The following EPB42 variants were observed in gnomAD, a reference collection of about 807,000 sequenced individuals.
The protein encoded by EPB42 is erythrocyte membrane protein band 4.2, also known as protein 4.2.
Under a neutral mutation model 76.9 loss-of-function variants are expected in EPB42, and 49 were observed. That is an observed-to-expected ratio of 0.64 (90% CI 0.51 to 0.81). The LOEUF is 0.81. Ranked by LOEUF, EPB42 falls within the 30% of genes least tolerant of loss-of-function variation. The pLI is 0.00. For missense variants in EPB42, 731 were observed against 867.6 expected (o/e 0.84, Z 1.98); for synonymous variants, 310 against 338.4 (o/e 0.92, Z 0.92).
chr15:43,201,633 G>A (rs1291846224), intron 12 of EPB42, among the ~76,000 whole-genome samples: 3 of 152,210 alleles, frequency 2.0e-5, no homozygotes, highest in Admixed American at 2.0e-4. Context: ...GGTGCCCAAG[G>A]GGCCCGCACA....
intron 10 of EPB42, 139 bp from the exon 11 acceptor site, chr15:43,203,414 T>C (rs931789597): frequency 7.9e-6 from 9 of 1,138,138 alleles, no homozygotes; most frequent in Non-Finnish European, 1.0e-5. Flanking sequence ...AATTGTACAC[T>C]TGGAACTCAC....
At chr15:43,220,648 C>CA in intron 1 of EPB42, 168 bp downstream of exon 1, 3 of 994,790 alleles carry the variant, frequency 3.0e-6, no homozygotes, top group South Asian at 2.6e-5. Context: ...CCACCTACCA[C>CA]ACCCCCCCCC....
chr15:43,209,173 C>T (rs1363806065), intron 6 of EPB42, 101 bp downstream of exon 6: 16 of 1,367,270 alleles, frequency 1.2e-5, no homozygotes, highest in South Asian at 3.5e-5. Flanking sequence ...GAAATGCGGC[C>T]GCAGGGAGGC....
At chr15:43,211,154 G>A (rs1596412693) in intron 4 of EPB42, among the ~76,000 whole-genome samples, 2 of 152,270 alleles carry the variant, frequency 1.3e-5, no homozygotes, top group African/African-American at 2.4e-5. Flanking sequence ...TGTTAGGCTA[G>A]GGGGATTTGG....
rs758104428 is a variant in EPB42, at chr15:43,206,297, CGGG to C, written c.1618+30_1618+32del. The stretch of plus-strand genomic sequence containing the variant: ...GCAGGGGCCATGTGTGTGTGTGTGT[CGGG>C]GGGTGTCTGGTGGGGCCATAGAGCA... On this transcript the variant is annotated intron_variant, in intron 10 of 12. Coordinates refer to ENST00000441366, the MANE Select transcript of EPB42 (RefSeq NM_001114134.2). This position sits in a 1 kb window ranked among gnomAD's most constrained non-coding sequence, Gnocchi z 4.7. 8.3e-6 allele frequency: 13 copies of C among 1,575,466 alleles called. No homozygotes were observed. The South Asian group carries it at 1.5e-4, about 18-fold the overall frequency.
Position 43,207,189 on chromosome 15 carries a change from T to A in EPB42, c.1318+10A>T. 6.2e-7 allele frequency: 1 copy of A among 1,614,120 alleles called. No individual in the cohort carries two copies. Among genetic ancestry groups the A allele is most frequent in the Non-Finnish European group, 8.5e-7 (1 of 1,180,028 alleles). ...TACCGAGAAGCCTGGGGCCCTTCCC[T>A]GGCCCGTACCTTCAGGATACTTGTA... is the stretch of plus-strand genomic sequence containing the variant. On this transcript the variant is annotated intron_variant, in intron 9 of 12. Transcript: ENST00000441366.
At chr15:43,217,239 T>C (rs532969915) in intron 1 of EPB42, among the ~76,000 whole-genome samples, 8 of 152,212 alleles carry the variant, frequency 5.3e-5, no homozygotes, top group African/African-American at 1.9e-4. Flanking sequence ...TGTTTAAAAG[T>C]GTGTAGCACC....
At chr15:43,208,456 G>A in intron 7 of EPB42, 123 bp from the exon 8 acceptor site, 2 of 1,384,428 alleles carry the variant, frequency 1.4e-6, no homozygotes, top group East Asian at 2.3e-5. Context: ...TGTCAAAGTG[G>A]CTGTGGCACT....
rs1471843349 is a variant in EPB42, at chr15:43,220,910, G to C, written c.-85C>G. ...CTTCTGGGCTCCTTCTGGGCTTTCT[G>C]TCTTCCAGACAGAAAATATGAAGGC... On this transcript the variant is annotated 5_prime_UTR_variant, in exon 1 of 13. Coordinates refer to ENST00000441366, the MANE Select transcript of EPB42 (RefSeq NM_001114134.2). 1 of 1,307,420 alleles carries C rather than the reference G, an allele frequency of 7.6e-7. No homozygotes were observed. The highest frequency in any genetic ancestry group is 1.1e-6 in the Non-Finnish European group (1 of 913,478). The allele number at this position is 1,307,420 out of a possible 1,614,324, so 81.0% of individuals were successfully genotyped here.
intron 1 of EPB42, among the ~76,000 whole-genome samples, chr15:43,220,144 C>A (rs968082474): frequency 3.3e-5 from 5 of 152,034 alleles, no homozygotes; most frequent in Non-Finnish European, 7.4e-5. Context: ...CACAGCTGCA[C>A]CCCACTGTCC....
Position 43,206,504 on chromosome 15 carries a change from G to T in EPB42, c.1444C>A (p.Pro482Thr). 6.2e-7 allele frequency: 1 copy of T among 1,614,074 alleles called. No individual in the cohort carries two copies. The highest frequency in any genetic ancestry group is 1.1e-5 in the South Asian group (1 of 91,080). The change falls in exon 10 of 13, where the codon CCC (proline) becomes ACC (threonine). Residue 482 changes from proline (P) to threonine (T), a missense_variant. Coordinates refer to ENST00000441366, the MANE Select transcript of EPB42 (RefSeq NM_001114134.2). The surrounding 1 kb of genome is among the most constrained non-coding windows in gnomAD (Gnocchi z 4.7). ...TCCCCTCTCAGGGGTAGGGAGCTGGGTGCTTTCAAGAGCAGGTACAGAGGA... is the reference window on the plus strand; with the variant it reads ...TCCCCTCTCAGGGGTAGGGAGCTGGTTGCTTTCAAGAGCAGGTACAGAGGA... ...ASPLYLLLKA[P>T]SSLPLRGDAQ...
Position 43,220,867 on chromosome 15 carries a change from G to T in EPB42, c.-42C>A, listed in dbSNP as rs377379390. The T allele has an allele frequency of 1.0e-5, 16 of 1,577,552 alleles. No individual in the cohort carries two copies. The South Asian group carries it at 1.5e-4, about 15-fold the overall frequency. On this transcript the variant is annotated 5_prime_UTR_variant, in exon 1 of 13. Transcript: ENST00000441366. ...TCTTATCCACTTGGCCGCAGAAAGCGCCTCTCTCAAACTGTTGCTTCTGGG... is the reference window on the plus strand; with the variant it reads ...TCTTATCCACTTGGCCGCAGAAAGCTCCTCTCTCAAACTGTTGCTTCTGGG...
chr15:43,221,136 G>A (rs1348482910), upstream of EPB42: 1 of 395,510 alleles, frequency 2.5e-6, no homozygotes, highest in Non-Finnish European at 4.8e-6. Context: ...GAGGGGGTGG[G>A]ATGGGGAAGA....
chr15:43,215,115 A>C lies in EPB42; in HGVS notation c.410T>G (p.Leu137Arg). The C allele has an allele frequency of 6.2e-7, 1 of 1,614,212 alleles. No homozygotes were observed. The highest frequency in any genetic ancestry group is 8.5e-7 in the Non-Finnish European group (1 of 1,180,038). ...KQLLLGQFTLLFNPWNREDAV... is the reference protein window; with the variant it reads ...KQLLLGQFTLRFNPWNREDAV... ...CTTACCTCTATTCCAGGGGTTAAAA[A>C]GCAGTGTGAACTGACCCAAGAGGAG... Residue 137 changes from leucine (L) to arginine (R), a missense_variant, in exon 3 of 13, where the codon CTT becomes CGT. Physicochemically the swap from Leu to Arg is moderately radical, Grantham distance 102. Transcript: ENST00000441366.
Position 43,206,136 on chromosome 15 carries a change from G to A in EPB42, c.1618+194C>T, listed in dbSNP as rs879017569. The A allele has an allele frequency of 3.4e-6, 2 of 589,626 alleles. No homozygotes were observed. Among genetic ancestry groups the A allele is most frequent in the Admixed American group, 3.1e-5 (1 of 32,616 alleles). 36.5% of individuals were successfully genotyped at this position (589,626 alleles called of 1,614,324 possible). Reference sequence around the variant, plus strand: ...TACTTATCTGACTGCAGTTGGCATCGTGTTTTTTTCCTGCTTCAGGCCCAA... The same window carrying A: ...TACTTATCTGACTGCAGTTGGCATCATGTTTTTTTCCTGCTTCAGGCCCAA... On this transcript the variant is annotated intron_variant, in intron 10 of 12. Coordinates refer to ENST00000441366, the MANE Select transcript of EPB42 (RefSeq NM_001114134.2). This position sits in a 1 kb window ranked among gnomAD's most constrained non-coding sequence, Gnocchi z 4.7.
At chr15:43,203,432 C>T (rs1486363611) in intron 10 of EPB42, among the ~76,000 whole-genome samples, 157 bp from the exon 11 acceptor site, 2 of 152,108 alleles carry the variant, frequency 1.3e-5, no homozygotes, top group Non-Finnish European at 2.9e-5. Context: ...CACTCAAGAC[C>T]TCACTCCTCA....
At chr15:43,213,695 A>C (rs8035881) in intron 3 of EPB42, among the ~76,000 whole-genome samples, 1 of 152,178 alleles carries the variant, frequency 6.6e-6, no homozygotes, top group Non-Finnish European at 1.5e-5. Flanking sequence ...TCTGCCAGTC[A>C]TGGAAAGTCA....
chr15:43,220,380 C>T (rs2042438982), intron 1 of EPB42, among the ~76,000 whole-genome samples: 1 of 152,116 alleles, frequency 6.6e-6, no homozygotes, highest in South Asian at 2.1e-4. Flanking sequence ...GTGACACCTT[C>T]ATGCTACCCA....
chr15:43,205,370 A>T (rs2042187451), intron 10 of EPB42, among the ~76,000 whole-genome samples: 1 of 152,204 alleles, frequency 6.6e-6, no homozygotes, highest in African/African-American at 2.4e-5. Context: ...TTCAGTTTTT[A>T]AAAATTCTGA....
Sources: allele counts gnomAD v4.1 joint callset (sites outside exome capture counted in the v4.1 genomes callset), GRCh38; gene constraint gnomAD v4.1.1; non-coding constraint Gnocchi (gnomAD v3.1); transcripts MANE v1.5; gene names NCBI Gene and HGNC (gene_info 2026-07-23, HGNC 2026-07-21).